EPB41L4A: variants seen among roughly 807,000 people sequenced by gnomAD.
EPB41L4A encodes band 4.1-like protein 4A.
EPB41L4A carries 100 observed loss-of-function variants against 108.6 expected under a neutral mutation model. The ratio of observed to expected loss-of-function variants is 0.92; its 90% CI spans 0.78 to 1.09. EPB41L4A has a LOEUF of 1.09. EPB41L4A is among the 50% of genes least tolerant of loss of function. The probability of loss-of-function intolerance (pLI) is 0.00; values close to 1 mark genes in which losing one functional copy is unlikely to be tolerated. For missense variants in EPB41L4A, 1,030 were observed against 842.7 expected, an observed-to-expected ratio of 1.22 and a Z score of -2.75; for synonymous variants, 319 against 289.0, an observed-to-expected ratio of 1.10 and a Z score of -1.05.
At chr5:112,314,021 G>A (rs775395538) in intron 1 of EPB41L4A, among the ~76,000 whole-genome samples, 31 of 151,718 alleles carry the variant, frequency 2.0e-4, no homozygotes, top group Non-Finnish European at 4.6e-4. Context: ...CCACCACCAT[G>A]CCCGGCTAAT....
intron 12 of EPB41L4A, among the ~76,000 whole-genome samples, chr5:112,149,569 A>G (rs772087060): frequency 6.6e-6 from 1 of 152,224 alleles, no homozygotes; most frequent in Non-Finnish European, 1.5e-5. Context: ...AAAAAGCAGG[A>G]TTAGTGATAA....
intron 1 of EPB41L4A, among the ~76,000 whole-genome samples, chr5:112,376,544 G>T (rs1759831043): frequency 6.6e-6 from 1 of 152,140 alleles, no homozygotes; most frequent in African/African-American, 2.4e-5. Flanking sequence ...TTAGCTCAGA[G>T]AAATGAAATT....
chr5:112,242,072 G>A (rs1749829729), intron 9 of EPB41L4A, among the ~76,000 whole-genome samples: 1 of 152,212 alleles, frequency 6.6e-6, no homozygotes, highest in Admixed American at 6.5e-5. Flanking sequence ...ACTGACCAGG[G>A]TGGTAGTTGC....
intron 1 of EPB41L4A, among the ~76,000 whole-genome samples, chr5:112,345,792 C>T (rs62365202): frequency 0.081 from 8,981 of 110,924 alleles, 343 homozygotes; most frequent in Middle Eastern, 0.1. Flanking sequence ...CACACACACA[C>T]ACACACACAC....
intron 1 of EPB41L4A, among the ~76,000 whole-genome samples, chr5:112,345,723 T>A (rs1253849434): frequency 6.6e-6 from 1 of 151,144 alleles, no homozygotes; most frequent in East Asian, 1.9e-4. Flanking sequence ...ACGCATGCAG[T>A]GTTGTAGGAT....
chr5:112,380,959 C>G (rs566065768), intron 1 of EPB41L4A, among the ~76,000 whole-genome samples: 1 of 152,246 alleles, frequency 6.6e-6, no homozygotes, highest in East Asian at 1.9e-4. Flanking sequence ...TCAACAATCC[C>G]TCACAAATCC....
At chr5:112,243,355 T>C (rs975791032) in intron 9 of EPB41L4A, among the ~76,000 whole-genome samples, 1 of 150,910 alleles carries the variant, frequency 6.6e-6, no homozygotes, top group African/African-American at 2.5e-5. Context: ...CCAGGCTTTG[T>C]TTTTCCATTT....
exon 14 of EPB41L4A, chr5:112,142,979 C>A (rs1466694670): frequency 6.6e-6 from 1 of 152,138 alleles, no homozygotes; most frequent in African/African-American, 2.4e-5. Flanking sequence ...TGCCTCCACT[C>A]ACTCATTTGG....
intron 12 of EPB41L4A, among the ~76,000 whole-genome samples, chr5:112,231,714 G>A (rs977369433): frequency 1.1e-4 from 17 of 148,170 alleles, no homozygotes; most frequent in Admixed American, 2.7e-4. Context: ...GAACCCGGGA[G>A]GCGGAGCTTG....
intron 15 of EPB41L4A, among the ~76,000 whole-genome samples, chr5:112,201,338 C>G (rs1350734340): frequency 6.6e-6 from 1 of 152,188 alleles, no homozygotes; most frequent in Non-Finnish European, 1.5e-5. Context: ...GATCCTGTAT[C>G]CACTCTCCAC....
Position 112,165,000 on chromosome 5 carries a change from G to T in EPB41L4A, c.2051C>A (p.Thr684Lys). 6.2e-7 allele frequency: 1 copy of T among 1,613,584 alleles called. No individual in the cohort carries two copies. Among genetic ancestry groups the T allele is most frequent in the East Asian group, 2.2e-5 (1 of 44,856 alleles). The change falls in exon 23 of 23, where the codon ACA (threonine) becomes AAA (lysine). Residue 684 changes from threonine to lysine, a missense_variant. By Grantham distance (78) the Thr-to-Lys change is moderately conservative. Transcript: ENST00000261486. ...GACCCTTCATCAGGATCAAGTCTCT[G>T]TCTTGAGGCGGGAAGCTTGTATAGT... ...IKTIQASRLKTET is the reference protein window; with the variant it reads ...IKTIQASRLKKET
At chr5:112,202,550 G>T (rs1256342276) in intron 15 of EPB41L4A, among the ~76,000 whole-genome samples, 1 of 152,062 alleles carries the variant, frequency 6.6e-6, no homozygotes. Context: ...CAAGCACTTT[G>T]CTCAGTACTT....
chr5:112,184,891 T>C (rs1230931818), intron 17 of EPB41L4A, among the ~76,000 whole-genome samples: 4 of 152,190 alleles, frequency 2.6e-5, no homozygotes, highest in Non-Finnish European at 5.9e-5. Context: ...AGTGAACTCT[T>C]CTAATTTTTA....
intron 15 of EPB41L4A, among the ~76,000 whole-genome samples, chr5:112,203,545 C>G (rs955132905): frequency 2.6e-5 from 4 of 152,154 alleles, no homozygotes; most frequent in African/African-American, 9.7e-5. Context: ...GCAGAGAGGT[C>G]CAAAACTTCC....
chr5:112,303,517 G>A (rs957364410), intron 2 of EPB41L4A, among the ~76,000 whole-genome samples: 3 of 152,160 alleles, frequency 2.0e-5, no homozygotes, highest in Non-Finnish European at 4.4e-5. Flanking sequence ...TATGGAACAG[G>A]CAGTGGAATC....
At chr5:112,402,899 A>G (rs1261709008) in intron 1 of EPB41L4A, among the ~76,000 whole-genome samples, 2 of 152,214 alleles carry the variant, frequency 1.3e-5, no homozygotes, top group South Asian at 4.1e-4. Flanking sequence ...AGGAAGATTA[A>G]GCCTTCCTAG....
At chr5:112,409,068 G>A (rs970335058) in intron 1 of EPB41L4A, among the ~76,000 whole-genome samples, 5 of 152,038 alleles carry the variant, frequency 3.3e-5, no homozygotes, top group African/African-American at 9.7e-5. Context: ...TAGCCAAACA[G>A]TGTAAAGAAC....
chr5:112,407,415 A>G (rs971989990), intron 1 of EPB41L4A, among the ~76,000 whole-genome samples: 5 of 152,176 alleles, frequency 3.3e-5, no homozygotes, highest in Non-Finnish European at 5.9e-5. Context: ...AGAAATCCCC[A>G]AAGTTCAAGG....
At chr5:112,364,871 AAAT>A (rs1177084928) in intron 1 of EPB41L4A, among the ~76,000 whole-genome samples, 1 of 152,250 alleles carries the variant, frequency 6.6e-6, no homozygotes, top group Non-Finnish European at 1.5e-5. Flanking sequence ...TATGCAGCAT[AAAT>A]ATTAGGTCTA....
Sources: gnomAD v4.1 joint callset for allele counts (sites outside exome capture counted in the v4.1 genomes callset) on GRCh38, gnomAD v4.1.1 for gene constraint, MANE v1.5 for transcripts, NCBI Gene and HGNC (gene_info 2026-07-23, HGNC 2026-07-21) for gene names.